LNX1: variants seen among roughly 807,000 people sequenced by gnomAD.
LNX1 encodes E3 ubiquitin-protein ligase LNX.
A neutral mutation model predicts 68.4 loss-of-function variants in LNX1; 54 were observed. The ratio of observed to expected loss-of-function variants is 0.79; its 90% CI spans 0.63 to 0.99. LNX1 has a LOEUF of 0.99. LNX1 is among the 50% of genes least tolerant of loss of function. The pLI is 0.00. For missense variants in LNX1, 906 were observed against 926.4 expected (o/e 0.98, Z 0.29); for synonymous variants, 336 against 350.0 (o/e 0.96, Z 0.45).
rs928281031 is a variant in LNX1 at position 53,610,835 on chromosome 4, T to C, written c.-215+5682A>G. The stretch of plus-strand genomic sequence containing the variant: ...CTGAAATAGAAGGCAAAATAAGTAA[T>C]AGGATATATAAATAAATTTAAACTT... On this transcript the variant is annotated intron_variant, in intron 2 of 3. Transcript: ENST00000504299. Among the ~76,000 whole-genome samples, 26 of 149,696 alleles carry C rather than the reference T, an allele frequency of 1.7e-4. No homozygotes were observed. In the East Asian group the frequency reaches 1.8e-3, roughly 10 times the overall value.
chr4:53,591,511 G>A, upstream of LNX1: 2 of 985,540 alleles, frequency 2.0e-6, no homozygotes, highest in Non-Finnish European at 2.4e-6. Context: ...TCGGTGAACA[G>A]GTGCCTGGAG....
chr4:53,460,238 C>T lies in LNX1; in HGVS notation c.*669G>A, dbSNP rs996803125. On this transcript the variant is annotated 3_prime_UTR_variant, in exon 11 of 11. Transcript: ENST00000263925. ...GCATGAGTTTTTATACAGTTACTAA[C>T]GATTGTGGAAAAAAAGAGCTTTAGC... The T allele has an allele frequency of 3.1e-5, 6 of 192,340 alleles. No individual in the cohort carries two copies. Among genetic ancestry groups the T allele is most frequent in the Non-Finnish European group, 6.5e-5 (6 of 92,216 alleles). The allele number at this position is 192,340 out of a possible 1,614,324, so 11.9% of individuals were successfully genotyped here.
At chr4:53,591,785 C>T (rs1345235283), upstream of LNX1, 1 of 160,258 alleles carries the variant, frequency 6.2e-6, no homozygotes, top group Non-Finnish European at 1.3e-5. Flanking sequence ...AAGTCAAATG[C>T]CTGGTTGTTT....
intron 1 of LNX1, among the ~76,000 whole-genome samples, chr4:53,636,179 C>CTTTTTTTTTT (rs11440722): frequency 5.9e-5 from 5 of 85,218 alleles, no homozygotes; most frequent in Admixed American, 1.7e-4. Context: ...TCTATTACTC[C>CTTTTTTTTTT]TTTTTTTTTT....
chr4:53,466,520 G>A (rs1024926200), intron 9 of LNX1, among the ~76,000 whole-genome samples: 15 of 152,204 alleles, frequency 9.9e-5, no homozygotes, highest in Non-Finnish European at 1.3e-4. Flanking sequence ...CACCGAGCAC[G>A]AGCCAAAGCA....
upstream of LNX1, among the ~76,000 whole-genome samples, chr4:53,592,178 C>T (rs1187261874): frequency 2.6e-5 from 4 of 151,082 alleles, no homozygotes; most frequent in African/African-American, 4.9e-5. Context: ...TAGAGTCATA[C>T]GGCAGTTACA....
chr4:53,491,821 A>G lies in LNX1; in HGVS notation c.1350+4202T>C, dbSNP rs1579401334. 5.4e-5 allele frequency among the ~76,000 whole-genome samples: 8 copies of G among 147,246 alleles called. No individual in the cohort carries two copies. In the South Asian group the frequency reaches 1.7e-3, roughly 32 times the overall value. ...TTTTTGTTTGTTTGTTTTTTGAGAA[A>G]AGTTTCACTCTTTTTGCCCAGGCTG... On this transcript the variant is annotated intron_variant, in intron 6 of 10. Transcript: ENST00000263925.
At chr4:53,465,233 T>C (rs1424859269) in intron 9 of LNX1, among the ~76,000 whole-genome samples, 1 of 152,208 alleles carries the variant, frequency 6.6e-6, no homozygotes, top group Non-Finnish European at 1.5e-5. Flanking sequence ...GGGACCAAAC[T>C]GGCTTCCTAT....
Position 53,575,843 on chromosome 4 carries a change from A to T in LNX1, c.-86-1755T>A, listed in dbSNP as rs1396777790. 20 of 1,590,320 alleles carry T rather than the reference A, an allele frequency of 1.3e-5. 1 individual carries two copies. Among genetic ancestry groups the T allele is most frequent in the Non-Finnish European group, 1.7e-5 (20 of 1,169,722 alleles). On this transcript the variant is annotated intron_variant, in intron 1 of 10. Transcript: ENST00000263925. ...ATGGACCAGCTACTAGGGGACCTAA[A>T]CAGGAGCATGTTTAGAAAGTTGCTG...
chr4:53,630,659 A>G (rs1187210717), intron 1 of LNX1, among the ~76,000 whole-genome samples: 1 of 152,186 alleles, frequency 6.6e-6, no homozygotes, highest in Non-Finnish European at 1.5e-5. Flanking sequence ...GCTATTGGCT[A>G]TGAGTTTGAT....
intron 6 of LNX1, among the ~76,000 whole-genome samples, chr4:53,490,584 C>T (rs2109448710): frequency 6.6e-6 from 1 of 152,284 alleles, no homozygotes. Context: ...GTTGTGGCCT[C>T]TCTGTAATAA....
At chr4:53,549,784 G>A (rs1029418768) in intron 2 of LNX1, among the ~76,000 whole-genome samples, 2 of 152,098 alleles carry the variant, frequency 1.3e-5, no homozygotes, top group East Asian at 1.9e-4. Flanking sequence ...CTTTTATATT[G>A]TTTGTAGTTT....
At chr4:53,569,761 T>A (rs1423477297) in intron 2 of LNX1, among the ~76,000 whole-genome samples, 3 of 140,530 alleles carry the variant, frequency 2.1e-5, no homozygotes, top group African/African-American at 5.3e-5. Context: ...TGCAACCTAC[T>A]CATCTGACAA....
intron 10 of LNX1, 67 bp downstream of exon 10, chr4:53,461,368 G>C (rs1722080963): frequency 7.0e-6 from 9 of 1,276,862 alleles, no homozygotes; most frequent in Non-Finnish European, 1.1e-6. Context: ...ATCTCAAATG[G>C]GGCCAAGCTT....
At chr4:53,498,437 G>T (rs983608436) in intron 5 of LNX1, among the ~76,000 whole-genome samples, 4 of 152,010 alleles carry the variant, frequency 2.6e-5, no homozygotes, top group African/African-American at 7.2e-5. Flanking sequence ...AGAGAAAGGG[G>T]GGAGAGAGTG....
intron 1 of LNX1, chr4:53,575,403 T>C: frequency 4.6e-6 from 3 of 645,984 alleles, no homozygotes; most frequent in Non-Finnish European, 5.8e-6. Flanking sequence ...GTCTCTTGCG[T>C]AGAAAGTCAA....
chr4:53,467,346 A>C (rs1271698619), intron 9 of LNX1, among the ~76,000 whole-genome samples: 1 of 152,176 alleles, frequency 6.6e-6, no homozygotes, highest in Non-Finnish European at 1.5e-5. Context: ...TCAGTACGTC[A>C]CCATCATCAA....
At chr4:53,560,831 C>A (rs1162327268) in intron 2 of LNX1, among the ~76,000 whole-genome samples, 2 of 152,170 alleles carry the variant, frequency 1.3e-5, no homozygotes, top group Non-Finnish European at 2.9e-5. Flanking sequence ...CTGGTTAAAC[C>A]AATATAACAC....
At chr4:53,489,566 A>T (rs1414129822) in intron 6 of LNX1, among the ~76,000 whole-genome samples, 2 of 152,048 alleles carry the variant, frequency 1.3e-5, no homozygotes, top group East Asian at 1.9e-4. Context: ...GTTCTATAAA[A>T]ATATATATAT....
Sources: gnomAD v4.1 joint callset for allele counts (sites outside exome capture counted in the v4.1 genomes callset) on GRCh38, gnomAD v4.1.1 for gene constraint, MANE v1.5 for transcripts, NCBI Gene and HGNC (gene_info 2026-07-23, HGNC 2026-07-21) for gene names.